FGGY: variants seen among roughly 807,000 people sequenced by gnomAD.
The protein encoded by FGGY is FGGY carbohydrate kinase domain-containing protein.
A neutral mutation model predicts 71.3 loss-of-function variants in FGGY; 72 were observed. That is an observed-to-expected ratio of 1.01 (90% confidence interval 0.84 to 1.23). The LOEUF (loss-of-function observed/expected upper bound fraction) is 1.23, where lower values mean the gene tolerates loss of function less well. Ranked by LOEUF, FGGY falls within the 50% of genes most tolerant of loss-of-function variation. The probability of loss-of-function intolerance (pLI) is 0.00; values close to 1 mark genes in which losing one functional copy is unlikely to be tolerated. For synonymous variants in FGGY, 251 were observed against 250.3 expected (o/e 1.00, Z -0.02); for missense variants, 668 against 682.3 (o/e 0.98, Z 0.23).
chr1:59,630,388 C>G (rs2096897803), intron 10 of FGGY, among the ~76,000 whole-genome samples: 1 of 152,140 alleles, frequency 6.6e-6, no homozygotes, highest in Admixed American at 6.5e-5. Flanking sequence ...TCATACCTTG[C>G]CTGCCTTCTT....
Position 59,515,785 on chromosome 1 carries a change from C to T in FGGY, c.799+3346C>T, listed in dbSNP as rs751808523. On this transcript the variant is annotated intron_variant, in intron 7 of 15. Transcript: ENST00000303721. The stretch of plus-strand genomic sequence containing the variant: ...CACCATGATTATGAGACCTCCCAGC[C>T]GTGTGGAACTGTAAGTCAAATTAAA... Among the ~76,000 whole-genome samples the T allele has an allele frequency of 1.5e-4, 23 of 152,156 alleles. 1 individual carries two copies. Among genetic ancestry groups the T allele is most frequent in the Non-Finnish European group, 8.8e-5 (6 of 68,032 alleles).
intron 14 of FGGY, among the ~76,000 whole-genome samples, chr1:59,720,002 C>T (rs1292185618): frequency 2.0e-5 from 3 of 152,164 alleles, no homozygotes; most frequent in African/African-American, 7.2e-5. Context: ...TTGTTAAAGT[C>T]AAGGTCAGAG....
chr1:59,466,877 A>C (rs557153746), intron 6 of FGGY, among the ~76,000 whole-genome samples: 18 of 152,300 alleles, frequency 1.2e-4, no homozygotes, highest in African/African-American at 4.3e-4. Flanking sequence ...GATGTGGACA[A>C]ATAGGAACAC....
At chr1:59,400,481 A>G (rs1360070580) in intron 5 of FGGY, among the ~76,000 whole-genome samples, 1 of 151,850 alleles carries the variant, frequency 6.6e-6, no homozygotes, top group Non-Finnish European at 1.5e-5. Context: ...TAAAATTTGT[A>G]ATTTTAAAGT....
At chr1:59,500,682 AAAAAG>A (rs2094197354) in intron 6 of FGGY, among the ~76,000 whole-genome samples, 1 of 151,552 alleles carries the variant, frequency 6.6e-6, no homozygotes, top group African/African-American at 2.4e-5. Context: ...AAAAAAAAAA[AAAAAG>A]GAAGAAACAT....
At chr1:59,544,399 C>T (rs1270355987) in intron 7 of FGGY, among the ~76,000 whole-genome samples, 1 of 152,130 alleles carries the variant, frequency 6.6e-6, no homozygotes, top group Non-Finnish European at 1.5e-5. Flanking sequence ...TCTCCAGATA[C>T]AAGGATGGTG....
intron 9 of FGGY, among the ~76,000 whole-genome samples, chr1:59,624,254 GA>G (rs560788662): frequency 4.8e-4 from 73 of 152,230 alleles, no homozygotes; most frequent in African/African-American, 1.8e-3. Flanking sequence ...TGGTGGTTAA[GA>G]ACAAGGTCTT....
At chr1:59,535,689 C>A (rs979268964) in intron 7 of FGGY, among the ~76,000 whole-genome samples, 2 of 149,930 alleles carry the variant, frequency 1.3e-5, no homozygotes, top group African/African-American at 2.5e-5. Context: ...CACTCAAAAC[C>A]GCTCAACTAC....
At chr1:59,401,144 A>T (rs1341616666) in intron 5 of FGGY, among the ~76,000 whole-genome samples, 1 of 152,206 alleles carries the variant, frequency 6.6e-6, no homozygotes, top group Non-Finnish European at 1.5e-5. Flanking sequence ...TTAACTATTA[A>T]TCTTATCCTG....
At chr1:59,398,851 G>A (rs1234154056) in intron 5 of FGGY, among the ~76,000 whole-genome samples, 1 of 152,130 alleles carries the variant, frequency 6.6e-6, no homozygotes, top group Non-Finnish European at 1.5e-5. Context: ...TATTTATATA[G>A]TGACTGTCTT....
intron 1 of FGGY, chr1:59,318,750 A>G (rs890882400): frequency 1.3e-5 from 2 of 152,176 alleles, no homozygotes; most frequent in African/African-American, 2.4e-5. Context: ...TTCATTTCCT[A>G]TTTATTTCTT....
At chr1:59,707,928 C>G (rs2097767954) in intron 14 of FGGY, among the ~76,000 whole-genome samples, 1 of 152,124 alleles carries the variant, frequency 6.6e-6, no homozygotes, top group African/African-American at 2.4e-5. Context: ...TGTTTGTATA[C>G]CTGTTCTTTA....
At chr1:59,349,810 C>T (rs2052876158) in intron 4 of FGGY, among the ~76,000 whole-genome samples, 2 of 152,102 alleles carry the variant, frequency 1.3e-5, no homozygotes, top group South Asian at 4.1e-4. Context: ...GGCTATAGTG[C>T]TTCTCAGACT....
chr1:59,570,380 A>T (rs966637493), intron 8 of FGGY, among the ~76,000 whole-genome samples: 13 of 152,216 alleles, frequency 8.5e-5, no homozygotes, highest in Admixed American at 3.3e-4. Flanking sequence ...AAATTAATGT[A>T]AAATGAAGGA....
intron 5 of FGGY, among the ~76,000 whole-genome samples, chr1:59,441,809 T>G (rs1242475970): frequency 6.6e-6 from 1 of 152,220 alleles, no homozygotes. Context: ...ATAGCAGCAC[T>G]AAAATCTAAA....
intron 3 of FGGY, among the ~76,000 whole-genome samples, chr1:59,344,436 A>G (rs1200414403): frequency 2.6e-5 from 4 of 151,896 alleles, no homozygotes; most frequent in African/African-American, 9.7e-5. Context: ...AGCTCCTTTT[A>G]TTTTAAAAAA....
Position 59,417,640 on chromosome 1 carries a change from C to CT in FGGY, c.554+38805dup. On this transcript the variant is annotated intron_variant, in intron 5 of 15. Coordinates refer to ENST00000303721, the MANE Select transcript of FGGY (RefSeq NM_018291.5). The stretch of plus-strand genomic sequence containing the variant: ...TTTTGTTTGTTTTTATTATAACCAT[C>CT]TTAGTGGGTGTGAAGTGGTATCTCA... Among the ~76,000 whole-genome samples the CT allele has an allele frequency of 3.3e-5, 5 of 152,224 alleles. No homozygotes were observed. The Middle Eastern group carries it at 0.017, about 518-fold the overall frequency.
intron 5 of FGGY, among the ~76,000 whole-genome samples, chr1:59,442,416 G>GTTTGTTTTTGTT (rs199825170): frequency 6.6e-6 from 1 of 151,896 alleles, no homozygotes; most frequent in African/African-American, 2.4e-5. Context: ...TTTCCTGTTT[G>GTTTGTTTTTGTT]TTTGTTTTTG....
chr1:59,342,289 G>A (rs76466742), intron 3 of FGGY, among the ~76,000 whole-genome samples: 1 of 152,144 alleles, frequency 6.6e-6, no homozygotes, highest in Non-Finnish European at 1.5e-5. Context: ...AGAATCACTG[G>A]GGACAGATTA....
Sources: allele counts gnomAD v4.1 joint callset (sites outside exome capture counted in the v4.1 genomes callset), GRCh38; gene constraint gnomAD v4.1.1; transcripts MANE v1.5; gene names NCBI Gene and HGNC (gene_info 2026-07-23, HGNC 2026-07-21).